SLC43A2: variants seen among roughly 807,000 people sequenced by gnomAD.
SLC43A2 encodes the protein solute carrier family 43 member 2.
In SLC43A2, 38 loss-of-function variants were observed where a neutral mutation model predicts 63.2. The observed-to-expected ratio is 0.60, with a 90% CI of 0.46 to 0.79. The LOEUF (loss-of-function observed/expected upper bound fraction) is 0.79. SLC43A2 is among the 30% of genes least tolerant of loss of function. The probability of loss-of-function intolerance (pLI) is 0.00; values close to 1 mark genes in which losing one functional copy is unlikely to be tolerated. For missense variants in SLC43A2, 644 were observed against 756.2 expected (o/e 0.85, Z 1.74); for synonymous variants, 322 against 331.0 (o/e 0.97, Z 0.30).
In SLC43A2 at chr17:1,622,433, C is replaced by T. The variant is rs558087645; in HGVS notation, c.160+5282G>A. ...AAAAAAATTTAGCCAGGCGTGGTGG[C>T]GGGCGCCTGCAGTCCCAGCTACTGG... is the stretch of plus-strand genomic sequence containing the variant. On this transcript the variant is annotated intron_variant, in intron 2 of 13. Coordinates refer to ENST00000301335, the MANE Select transcript of SLC43A2 (RefSeq NM_152346.3). Among the ~76,000 whole-genome samples, 115 of 152,040 alleles carry T rather than the reference C, an allele frequency of 7.6e-4. 1 individual carries two copies. The highest frequency in any genetic ancestry group is 5.2e-3 in the East Asian group (27 of 5,158).
At position 1,578,114 on chromosome 17, in the gene SLC43A2, C is replaced by T. The variant is rs2075960992; in HGVS notation, c.1424+136G>A. On this transcript the variant is annotated intron_variant, in intron 12 of 13. Coordinates refer to ENST00000301335, the MANE Select transcript of SLC43A2 (RefSeq NM_152346.3). The surrounding 1 kb of genome is among the most constrained non-coding windows in gnomAD (Gnocchi z 6.5). Reference sequence around the variant, plus strand: ...AAACACCCAGCAGAAACCCTGGTACCTGTCCCCTGAAGCAGGAAGATGAGC... The same window carrying T: ...AAACACCCAGCAGAAACCCTGGTACTTGTCCCCTGAAGCAGGAAGATGAGC... 2 of 812,750 alleles carry T rather than the reference C, an allele frequency of 2.5e-6. No homozygotes were observed. The highest frequency in any genetic ancestry group is 1.7e-5 in the African/African-American group (1 of 58,494). 50.3% of individuals were successfully genotyped at this position (812,750 alleles called of 1,614,324 possible). A position where few individuals can be genotyped will look rare whatever the true frequency, so the allele number is the denominator to read the frequency against.
intron 2 of SLC43A2, among the ~76,000 whole-genome samples, chr17:1,627,371 G>A (rs1409414039): frequency 6.6e-6 from 1 of 152,164 alleles, no homozygotes; most frequent in Non-Finnish European, 1.5e-5. Context: ...TTTACTACCA[G>A]CCAAGCTATG....
intron 3 of SLC43A2, among the ~76,000 whole-genome samples, chr17:1,615,723 G>C (rs1056931707): frequency 1.4e-5 from 2 of 147,656 alleles, no homozygotes. Context: ...GGCGCCTGTG[G>C]TCCCAGCTAC....
intron 5 of SLC43A2, chr17:1,604,703 G>A (rs768250700): frequency 6.5e-7 from 1 of 1,532,430 alleles, no homozygotes; most frequent in South Asian, 1.2e-5. Flanking sequence ...CATTCCTTCT[G>A]AAGCTCCTTT....
chr17:1,628,179 G>A, intron 1 of SLC43A2: 1 of 271,030 alleles, frequency 3.7e-6, no homozygotes. Context: ...AGCTCACTCC[G>A]AGGTAAACTG....
chr17:1,596,103 G>A (rs750824074), intron 5 of SLC43A2, among the ~76,000 whole-genome samples: 1 of 151,818 alleles, frequency 6.6e-6, no homozygotes, highest in African/African-American at 2.4e-5. Flanking sequence ...GGCAGATCAC[G>A]AGGTCAGCAG....
chr17:1,601,116 C>T (rs554171850), intron 5 of SLC43A2, among the ~76,000 whole-genome samples: 103 of 151,770 alleles, frequency 6.8e-4, no homozygotes, highest in Middle Eastern at 3.4e-3. Context: ...GTCAGAAATG[C>T]AAAAATGCTG....
In SLC43A2 at chr17:1,593,039, C is replaced by T; in HGVS notation, c.594+148G>A. Reference sequence around the variant, plus strand: ...GGCCCCGCGGTTTTCATTTGTCGCCCCTGTGATGCCCAGGTGCATCCTGCC... The same window carrying T: ...GGCCCCGCGGTTTTCATTTGTCGCCTCTGTGATGCCCAGGTGCATCCTGCC... On this transcript the variant is annotated intron_variant, in intron 6 of 13. Coordinates refer to ENST00000301335, the MANE Select transcript of SLC43A2 (RefSeq NM_152346.3). The surrounding 1 kb of genome is among the most constrained non-coding windows in gnomAD (Gnocchi z 5.3). 5 of 690,776 alleles carry T rather than the reference C, an allele frequency of 7.2e-6. No homozygotes were observed. The South Asian group carries it at 8.6e-5, about 12-fold the overall frequency. The allele number at this position is 690,776 out of a possible 1,614,324, so 42.8% of individuals were successfully genotyped here. A position where few individuals can be genotyped will look rare whatever the true frequency, so the allele number is the denominator to read the frequency against.
At chr17:1,595,578 T>A (rs1905221914) in intron 5 of SLC43A2, among the ~76,000 whole-genome samples, 1 of 152,060 alleles carries the variant, frequency 6.6e-6, no homozygotes, top group Non-Finnish European at 1.5e-5. Flanking sequence ...CCTGTGTGGC[T>A]GGGACCACAG....
chr17:1,586,928 T>TGGGGCCCCCCCCCCCCCC, intron 9 of SLC43A2: 1 of 1,232,902 alleles, frequency 8.1e-7, no homozygotes, highest in Non-Finnish European at 1.1e-6. Flanking sequence ...TCCCTGACAA[T>TGGGGCCCCCCCCCCCCCC]CCCCCCCACC....
intron 2 of SLC43A2, 70 bp downstream of exon 2, chr17:1,627,645 C>T (rs374061245): frequency 2.5e-6 from 2 of 799,016 alleles, no homozygotes; most frequent in African/African-American, 3.4e-5. Context: ...GCTAGGTCTT[C>T]GCCCCCATCC....
At chr17:1,587,301 G>A (rs927307895) in intron 9 of SLC43A2, among the ~76,000 whole-genome samples, 13 of 152,204 alleles carry the variant, frequency 8.5e-5, no homozygotes, top group African/African-American at 2.2e-4. Context: ...GCGGGCATGC[G>A]GAAGACCTGG....
At position 1,576,331 on chromosome 17, in the gene SLC43A2, G is replaced by A. The variant is rs1413488436; in HGVS notation, c.1548+266C>T. 5.9e-5 allele frequency among the ~76,000 whole-genome samples: 9 copies of A among 152,006 alleles called. No homozygotes were observed. In the East Asian group the frequency reaches 7.7e-4, roughly 13 times the overall value. On this transcript the variant is annotated intron_variant, in intron 13 of 13. Transcript: ENST00000301335. ...ACTCCTGACCTCAAGTGATGCTCCCGCCTCGGCCTCTCAAAGTGCTGGGAT... is the reference window on the plus strand; with the variant it reads ...ACTCCTGACCTCAAGTGATGCTCCCACCTCGGCCTCTCAAAGTGCTGGGAT...
Position 1,616,723 on chromosome 17 carries a change from G to A in SLC43A2, c.207C>T (p.His69=), listed in dbSNP as rs370064519. ...AGCCGTTCATCCAGCTCACCTCCTC[G>A]TGCCCCGGCTCTGCTGTGCCGCCCA... ...GTVGGTAEPG[H]EEVSWMNGWL... is the part of the protein sequence containing the mutation. The change falls in exon 3 of 14, where the codon CAC becomes CAT. Residue 69 remains histidine, a synonymous_variant. Coordinates refer to ENST00000301335, the MANE Select transcript of SLC43A2 (RefSeq NM_152346.3). 6.2e-5 allele frequency: 100 copies of A among 1,614,050 alleles called. No individual in the cohort carries two copies. In the East Asian group the frequency reaches 8.7e-4, roughly 14 times the overall value.
rs545847444 is a variant in SLC43A2 at position 1,577,422 on chromosome 17, C to G, written c.1425-702G>C. 2.6e-5 allele frequency among the ~76,000 whole-genome samples: 4 copies of G among 152,240 alleles called. No individual in the cohort carries two copies. The highest frequency in any genetic ancestry group is 1.9e-4 in the East Asian group (1 of 5,178). On this transcript the variant is annotated intron_variant, in intron 12 of 13. Coordinates refer to ENST00000301335, the MANE Select transcript of SLC43A2 (RefSeq NM_152346.3). The surrounding 1 kb of genome is among the most constrained non-coding windows in gnomAD (Gnocchi z 4.9). ...AACTCAGCACCACAGATCCCGCCCC[C>G]CTCCCTCAGACCCTGCCAGGACAGC... is the stretch of plus-strand genomic sequence containing the variant.
chr17:1,591,025 G>A (rs898208356), intron 8 of SLC43A2, 77 bp from the exon 9 acceptor site: 7 of 1,480,270 alleles, frequency 4.7e-6, no homozygotes, highest in South Asian at 2.5e-5. Context: ...ATCCCTCCAC[G>A]CTGGAGGCCA....
chr17:1,595,891 T>C (rs1201352354), intron 5 of SLC43A2, among the ~76,000 whole-genome samples: 1 of 152,222 alleles, frequency 6.6e-6, no homozygotes, highest in Non-Finnish European at 1.5e-5. Context: ...AAATTAACTG[T>C]TACTGAGCGG....
At chr17:1,595,101 C>T (rs369788682) in intron 5 of SLC43A2, among the ~76,000 whole-genome samples, 19 of 151,840 alleles carry the variant, frequency 1.3e-4, no homozygotes, top group African/African-American at 4.4e-4. Context: ...GCAAACATGG[C>T]GAAACCCTGT....
chr17:1,604,040 A>G (rs891916938), intron 5 of SLC43A2, among the ~76,000 whole-genome samples: 3 of 151,926 alleles, frequency 2.0e-5, no homozygotes, highest in African/African-American at 7.3e-5. Context: ...TTTTTCATTC[A>G]TTTACTTATT....
Sources: allele counts gnomAD v4.1 joint callset (sites outside exome capture counted in the v4.1 genomes callset), GRCh38; gene constraint gnomAD v4.1.1; non-coding constraint Gnocchi (gnomAD v3.1); transcripts MANE v1.5; gene names NCBI Gene and HGNC (gene_info 2026-07-23, HGNC 2026-07-21).